Variants in FBXL20 observed in about 807,000 individuals in gnomAD.
FBXL20 encodes F-box and leucine rich repeat protein 20.
FBXL20 carries 11 observed loss-of-function variants against 64.0 expected under a neutral mutation model. The observed-to-expected ratio is 0.17, with a 90% CI of 0.11 to 0.28. FBXL20 has a LOEUF of 0.28. FBXL20 is among the 10% of genes least tolerant of loss of function. The pLI is 1.00. For missense variants in FBXL20, 303 were observed against 526.2 expected, an observed-to-expected ratio of 0.58 and a Z score of 4.15; for synonymous variants, 184 against 189.0, an observed-to-expected ratio of 0.97 and a Z score of 0.22.
chr17:39,310,563 G>A (rs1290518535), intron 2 of FBXL20, among the ~76,000 whole-genome samples: 1 of 152,080 alleles, frequency 6.6e-6, no homozygotes, highest in Admixed American at 6.6e-5. Flanking sequence ...AAAACTCAGT[G>A]TCGGGTAGGC....
intron 1 of FBXL20, among the ~76,000 whole-genome samples, chr17:39,349,239 G>A (rs527390296): frequency 3.8e-4 from 57 of 148,612 alleles, no homozygotes; most frequent in Non-Finnish European, 5.3e-4. Flanking sequence ...GGAACAGAGC[G>A]GGACTCCGTC....
intron 1 of FBXL20, among the ~76,000 whole-genome samples, chr17:39,374,250 C>T (rs1016979746): frequency 1.3e-5 from 2 of 151,244 alleles, no homozygotes; most frequent in African/African-American, 4.9e-5. Context: ...AAAAAAAGAC[C>T]AGTCGGAATG....
intron 1 of FBXL20, among the ~76,000 whole-genome samples, chr17:39,391,811 CCTTT>C (rs926960736): frequency 5.9e-5 from 9 of 152,104 alleles, no homozygotes; most frequent in East Asian, 1.9e-4. Context: ...ATCCCTTCTC[CCTTT>C]CTTTTTCTTT....
intron 6 of FBXL20, among the ~76,000 whole-genome samples, chr17:39,286,964 G>A (rs1415619244): frequency 1.6e-5 from 2 of 127,188 alleles, no homozygotes; most frequent in African/African-American, 6.1e-5. Context: ...TCAGGCTGGT[G>A]TGCAGTGGCA....
At chr17:39,278,032 C>T (rs182123630) in intron 9 of FBXL20, among the ~76,000 whole-genome samples, 233 of 152,176 alleles carry the variant, frequency 1.5e-3, no homozygotes, top group Admixed American at 3.5e-3. Flanking sequence ...GAAGAAACAC[C>T]AAACTAAACC....
At chr17:39,399,788 T>C (rs1024405584) in intron 1 of FBXL20, among the ~76,000 whole-genome samples, 1 of 152,168 alleles carries the variant, frequency 6.6e-6, no homozygotes, top group South Asian at 2.1e-4. Flanking sequence ...AAGATAATTA[T>C]AAAAATACAA....
In FBXL20 at chr17:39,264,592, T is replaced by C. The variant is rs139219895; in HGVS notation, c.991-205A>G. Among the ~76,000 whole-genome samples, 26 of 152,344 alleles carry C rather than the reference T, an allele frequency of 1.7e-4. No homozygotes were observed. In the East Asian group the frequency reaches 1.9e-3, roughly 11 times the overall value. ...CAGTGATTGATATTTTGGTGTGTGA[T>C]TCTAAATATATTTTATAAATTCATG... On this transcript the variant is annotated intron_variant, in intron 13 of 14. Transcript: ENST00000264658.
chr17:39,357,460 T>A (rs962468603), intron 1 of FBXL20, among the ~76,000 whole-genome samples: 1 of 152,140 alleles, frequency 6.6e-6, no homozygotes, highest in Non-Finnish European at 1.5e-5. Context: ...TTCTGTATGT[T>A]TTCTCTGTCT....
intron 1 of FBXL20, among the ~76,000 whole-genome samples, chr17:39,382,330 C>T (rs2144657544): frequency 6.7e-6 from 1 of 149,550 alleles, no homozygotes; most frequent in South Asian, 2.1e-4. Context: ...GTAGTCCCAG[C>T]TGCTGGGGAG....
At chr17:39,347,724 G>T (rs2047647956) in intron 1 of FBXL20, among the ~76,000 whole-genome samples, 1 of 152,152 alleles carries the variant, frequency 6.6e-6, no homozygotes, top group African/African-American at 2.4e-5. Flanking sequence ...TTTGGCTTTT[G>T]TTGCCATTGC....
In FBXL20 at chr17:39,339,165, C is replaced by CAAA. The variant is rs59901064; in HGVS notation, c.104+4012_104+4014dup. Among the ~76,000 whole-genome samples, 592 of 67,734 alleles carry CAAA rather than the reference C, an allele frequency of 8.7e-3. 28 individuals carry two copies. Among genetic ancestry groups the CAAA allele is most frequent in the African/African-American group, 0.021 (370 of 17,450 alleles). The allele number at this position is 67,734 out of a possible 152,430, so 44.4% of individuals were successfully genotyped here. A position where few individuals can be genotyped will look rare whatever the true frequency, so the allele number is the denominator to read the frequency against. ...CCTGGGAGACAGTGAGACCCTGTCTCAAAAAAAAAAAAAAAAAAAAAGACC... is the reference window on the plus strand; with the variant it reads ...CCTGGGAGACAGTGAGACCCTGTCTCAAAAAAAAAAAAAAAAAAAAAAAAGACC... On this transcript the variant is annotated intron_variant, in intron 2 of 14. Transcript: ENST00000264658.
rs75416578 is a variant in FBXL20, at chr17:39,322,029, C to T, written c.105-18390G>A. 4.8e-3 allele frequency among the ~76,000 whole-genome samples: 724 copies of T among 151,860 alleles called. 11 individuals are homozygous for T. The highest frequency in any genetic ancestry group is 0.016 in the African/African-American group (682 of 41,478). On this transcript the variant is annotated intron_variant, in intron 2 of 14. Transcript: ENST00000264658. ...TTGATTTGATAATAATAATGTCTTG[C>T]TACAAGACTAACCACAAGACCAAAT...
At chr17:39,337,911 G>C (rs1376748033) in intron 2 of FBXL20, among the ~76,000 whole-genome samples, 1 of 150,924 alleles carries the variant, frequency 6.6e-6, no homozygotes, top group Admixed American at 6.6e-5. Context: ...CCGGGAGGGA[G>C]GTGGGGGGGT....
chr17:39,333,168 T>A (rs933836485), intron 2 of FBXL20, among the ~76,000 whole-genome samples: 1 of 151,814 alleles, frequency 6.6e-6, no homozygotes, highest in Non-Finnish European at 1.5e-5. Context: ...TCCGTCTCCC[T>A]CTTTGCACGG....
intron 2 of FBXL20, among the ~76,000 whole-genome samples, chr17:39,337,571 T>A (rs1451534993): frequency 1.5e-5 from 2 of 137,764 alleles, no homozygotes; most frequent in African/African-American, 2.8e-5. Flanking sequence ...CCGTCTGGGA[T>A]GTGAGGAGCG....
chr17:39,280,661 T>C (rs1462562295), intron 9 of FBXL20, among the ~76,000 whole-genome samples: 4 of 152,154 alleles, frequency 2.6e-5, no homozygotes, highest in Non-Finnish European at 5.9e-5. Context: ...TGAGTAGAAT[T>C]CAGGGGTTTT....
intron 13 of FBXL20, 122 bp downstream of exon 13, chr17:39,265,275 C>T (rs1215880515): frequency 1.5e-6 from 1 of 676,974 alleles, no homozygotes. Context: ...AGTAAGCTGG[C>T]AGTTTGAAGA....
chr17:39,337,277 T>C (rs1597805692), intron 2 of FBXL20, among the ~76,000 whole-genome samples: 2 of 152,328 alleles, frequency 1.3e-5, no homozygotes, highest in South Asian at 2.1e-4. Context: ...CGGAGTCTCG[T>C]TCACTCAGTG....
chr17:39,362,340 C>T (rs2047804564), intron 1 of FBXL20, among the ~76,000 whole-genome samples: 1 of 152,108 alleles, frequency 6.6e-6, no homozygotes, highest in African/African-American at 2.4e-5. Flanking sequence ...TGGCTCATAC[C>T]TGTAATCCCA....
Sources: allele counts gnomAD v4.1 joint callset (sites outside exome capture counted in the v4.1 genomes callset), GRCh38; gene constraint gnomAD v4.1.1; transcripts MANE v1.5; gene names NCBI Gene and HGNC (gene_info 2026-07-23, HGNC 2026-07-21).